The following POSTN variants were observed in gnomAD, a reference collection of about 807,000 sequenced individuals.
The protein encoded by POSTN is osteoblast specific factor 2 (fasciclin I-like).
In POSTN, 71 loss-of-function variants were observed where a neutral mutation model predicts 104.5. The ratio of observed to expected loss-of-function variants is 0.68; its 90% CI spans 0.56 to 0.83. POSTN has a LOEUF of 0.83. POSTN is among the 40% of genes least tolerant of loss of function. The pLI is 0.00. For synonymous variants in POSTN, 355 were observed against 340.7 expected (o/e 1.04, Z -0.46); for missense variants, 949 against 1,006.8 (o/e 0.94, Z 0.78).
Position 37,582,445 on chromosome 13 carries a change from A to T in POSTN, c.1313T>A (p.Val438Asp). Reference sequence around the variant, plus strand: ...CCCGTTGTAAAGCTCATTAAGGCCAACTTTTACTTTCAATATGTGATTCTG... The same window carrying T: ...CCCGTTGTAAAGCTCATTAAGGCCATCTTTTACTTTCAATATGTGATTCTG... The part of the protein sequence containing the change: ...ILQNHILKVK[V>D]GLNELYNGQI... The change falls in exon 10 of 23, where the codon GTT becomes GAT. Residue 438 changes from valine (V) to aspartate (D), a missense_variant. Val to Asp is a radical substitution (Grantham distance 152). Transcript: ENST00000379747. The T allele has an allele frequency of 6.2e-7, 1 of 1,613,794 alleles. No homozygotes were observed. Among genetic ancestry groups the T allele is most frequent in the Non-Finnish European group, 8.5e-7 (1 of 1,179,762 alleles).
intron 2 of POSTN, 151 bp downstream of exon 2, chr13:37,597,033 T>G (rs1313162878): frequency 2.0e-6 from 1 of 494,894 alleles, no homozygotes; most frequent in African/African-American, 2.0e-5. Flanking sequence ...AACTTCTTTA[T>G]TCACGTATGT....
intron 1 of POSTN, among the ~76,000 whole-genome samples, 167 bp downstream of exon 1, chr13:37,598,441 T>G (rs1490659528): frequency 6.6e-6 from 1 of 152,134 alleles, no homozygotes; most frequent in Non-Finnish European, 1.5e-5. Flanking sequence ...AGCTTAAAAG[T>G]GCATAGATAA....
At chr13:37,581,032 C>A (rs776655848) in intron 10 of POSTN, among the ~76,000 whole-genome samples, 5 of 152,072 alleles carry the variant, frequency 3.3e-5, no homozygotes, top group Non-Finnish European at 5.9e-5. Flanking sequence ...CTCTTTTGGC[C>A]AACACTATCT....
In POSTN at chr13:37,571,403, T is replaced by G; in HGVS notation, c.2145A>C (p.Lys715Asn). The part of the protein sequence containing the change: ...IEGEPEFRLI[K>N]EGETITEVIH... The stretch of plus-strand genomic sequence containing the variant: ...TCACTTCAGTTATTGTTTCACCTTC[T>G]TTAATCAGTCTGAATTCAGGTTCAC... Residue 715 changes from lysine (K) to asparagine (N), a missense_variant, in exon 18 of 23, where the codon AAA (lysine) becomes AAC (asparagine). Coordinates refer to ENST00000379747, the MANE Select transcript of POSTN (RefSeq NM_006475.3). 1 of 1,610,700 alleles carries G rather than the reference T, an allele frequency of 6.2e-7. No individual in the cohort carries two copies. Among genetic ancestry groups the G allele is most frequent in the Non-Finnish European group, 8.5e-7 (1 of 1,177,330 alleles).
chr13:37,566,599 G>C (rs1379254364), intron 21 of POSTN, among the ~76,000 whole-genome samples: 3 of 152,192 alleles, frequency 2.0e-5, no homozygotes, highest in Non-Finnish European at 4.4e-5. Flanking sequence ...TTGGGGCTCA[G>C]ACTGAATGCA....
chr13:37,588,644 A>G (rs532352728), intron 4 of POSTN, among the ~76,000 whole-genome samples: 109 of 152,302 alleles, frequency 7.2e-4, no homozygotes, highest in African/African-American at 2.5e-3. Flanking sequence ...TGAGATTTAA[A>G]TGAATAGGAA....
rs4390468 is a variant in POSTN, at chr13:37,564,593, C to A, written c.2432-33G>T. The A allele has an allele frequency of 4.9e-6, 7 of 1,443,050 alleles. No individual in the cohort carries two copies. The Admixed American group carries it at 6.8e-5, about 14-fold the overall frequency. 89.4% of individuals were successfully genotyped at this position (1,443,050 alleles called of 1,614,324 possible). ...TAAATTGTTGTAGTTAGAAATACTT[C>A]GCAATTATGGCTAAAATCAGACAGG... On this transcript the variant is annotated intron_variant, in intron 21 of 22. Coordinates refer to ENST00000379747, the MANE Select transcript of POSTN (RefSeq NM_006475.3).
intron 2 of POSTN, among the ~76,000 whole-genome samples, chr13:37,593,734 A>G (rs1430280860): frequency 6.6e-6 from 1 of 151,536 alleles, no homozygotes. Context: ...TTTTTTTAGT[A>G]TGATAAAAAT....
intron 9 of POSTN, 25 bp from the exon 10 acceptor site, chr13:37,582,539 A>G (rs745811053): frequency 3.8e-6 from 6 of 1,567,152 alleles, no homozygotes; most frequent in Admixed American, 2.0e-5. Context: ...ATTAAGAAAG[A>G]GCATTATTTT....
Position 37,577,792 on chromosome 13 carries a change from G to A in POSTN, c.1969C>T (p.Arg657Cys). ...GGGATTTCTTTGAAGGTGCTACCAC[G>A]AACAAACTGAAAATAAATGTTTATA... ...LIKYIQIKFVRGSTFKEIPVT... is the reference protein window; with the variant it reads ...LIKYIQIKFVCGSTFKEIPVT... Residue 657 changes from arginine to cysteine, a missense_variant, in exon 16 of 23, where the codon CGT (arginine) becomes TGT (cysteine). Transcript: ENST00000379747. 2 of 1,613,220 alleles carry A rather than the reference G, an allele frequency of 1.2e-6. No homozygotes were observed. Among genetic ancestry groups the A allele is most frequent in the Non-Finnish European group, 8.5e-7 (1 of 1,179,498 alleles).
intron 22 of POSTN, 56 bp from the exon 23 acceptor site, chr13:37,563,426 T>G (rs76733395): frequency 8.2e-7 from 1 of 1,219,038 alleles, no homozygotes; most frequent in Admixed American, 2.2e-5. Context: ...ATTTTAAAAT[T>G]TAAGAATATA....
chr13:37,578,814 AAAAG>A, intron 15 of POSTN, 26 bp downstream of exon 15: 2 of 1,490,986 alleles, frequency 1.3e-6, no homozygotes, highest in African/African-American at 1.4e-5. Flanking sequence ...AAAAAAAAAA[AAAAG>A]AAATAAATCA....
At chr13:37,592,262 T>C (rs1357146800) in intron 2 of POSTN, 98 bp from the exon 3 acceptor site, 2 of 792,580 alleles carry the variant, frequency 2.5e-6, no homozygotes, top group Non-Finnish European at 4.0e-6. Context: ...ACTTGATTTG[T>C]TGAGGTTCTA....
chr13:37,563,433 T>G lies in POSTN; in HGVS notation c.2474-63A>C. 1.8e-6 allele frequency: 2 copies of G among 1,124,332 alleles called. 1 individual carries two copies. The highest frequency in any genetic ancestry group is 3.6e-5 in the South Asian group (2 of 54,918). 69.6% of individuals were successfully genotyped at this position (1,124,332 alleles called of 1,614,324 possible). The stretch of plus-strand genomic sequence containing the variant: ...GTTAGGAAATTTTAAAATTTAAGAA[T>G]ATATTATTCTCTGTATATCTATCAG... On this transcript the variant is annotated intron_variant, in intron 22 of 22. Transcript: ENST00000379747.
intron 17 of POSTN, among the ~76,000 whole-genome samples, chr13:37,573,983 T>C (rs114305137): frequency 4.1e-4 from 62 of 151,714 alleles, no homozygotes; most frequent in African/African-American, 1.5e-3. Flanking sequence ...CTGTATGTAA[T>C]AATATGTTCA....
rs759053018 is a variant in POSTN, at chr13:37,563,321, G to C, written c.*12C>G. ...AGGGTTGTATAAACATTTTTTTCTG[G>C]TTTTTGGATTTTCACTGAGAACGAC... On this transcript the variant is annotated 3_prime_UTR_variant, in exon 23 of 23. Transcript: ENST00000379747. 6.3e-7 allele frequency: 1 copy of C among 1,575,196 alleles called. No homozygotes were observed. The highest frequency in any genetic ancestry group is 1.1e-5 in the South Asian group (1 of 88,076).
In POSTN at chr13:37,584,820, C is replaced by T; in HGVS notation, c.1004G>A (p.Gly335Asp). 1.9e-6 allele frequency: 3 copies of T among 1,613,866 alleles called. No individual in the cohort carries two copies. Among genetic ancestry groups the T allele is most frequent in the Non-Finnish European group, 2.5e-6 (3 of 1,179,900 alleles). Reference sequence around the variant, plus strand: ...GATTCCATTTACTGTTATACTGTCACCGTCACATCCTATCTCAATTGTATT... The same window carrying T: ...GATTCCATTTACTGTTATACTGTCATCGTCACATCCTATCTCAATTGTATT... ...EGNTIEIGCD[G>D]DSITVNGIKM... The change falls in exon 8 of 23, where the codon GGT becomes GAT. Residue 335 changes from glycine to aspartate, a missense_variant. Transcript: ENST00000379747.
At chr13:37,588,523 T>C (rs1284601212) in intron 4 of POSTN, among the ~76,000 whole-genome samples, 7 of 152,114 alleles carry the variant, frequency 4.6e-5, no homozygotes, top group African/African-American at 1.7e-4. Flanking sequence ...CTGTTTATCA[T>C]ATAGCAGCAG....
chr13:37,585,305 G>A (rs1292899926), intron 7 of POSTN, among the ~76,000 whole-genome samples: 1 of 152,144 alleles, frequency 6.6e-6, no homozygotes, highest in Admixed American at 6.6e-5. Context: ...ACTTTGGGAG[G>A]CCTAGGTGAG....
Sources: allele counts gnomAD v4.1 joint callset (sites outside exome capture counted in the v4.1 genomes callset), GRCh38; gene constraint gnomAD v4.1.1; transcripts MANE v1.5; gene names NCBI Gene and HGNC (gene_info 2026-07-23, HGNC 2026-07-21).